FBXL20: variants seen among roughly 807,000 people sequenced by gnomAD.
FBXL20 encodes F-box/LRR-repeat protein 20.
Under a neutral mutation model 64.0 loss-of-function variants are expected in FBXL20, and 11 were observed. The ratio of observed to expected loss-of-function variants is 0.17; its 90% confidence interval spans 0.11 to 0.28. The LOEUF (loss-of-function observed/expected upper bound fraction) is 0.28, where lower values mean the gene tolerates loss of function less well. Among genes scored for constraint, FBXL20 ranks in the 10% least tolerant of loss-of-function variants. The pLI is 1.00. For synonymous variants in FBXL20, 184 were observed against 189.0 expected (o/e 0.97, Z 0.22); for missense variants, 303 against 526.2 (o/e 0.58, Z 4.15).
intron 1 of FBXL20, among the ~76,000 whole-genome samples, chr17:39,368,151 G>A (rs1363411686): frequency 1.3e-5 from 2 of 152,152 alleles, no homozygotes; most frequent in African/African-American, 4.8e-5. Flanking sequence ...CACTTTGGGA[G>A]GCCAAGGTAG....
At chr17:39,357,821 A>C (rs2047757186) in intron 1 of FBXL20, among the ~76,000 whole-genome samples, 1 of 152,236 alleles carries the variant, frequency 6.6e-6, no homozygotes, top group Non-Finnish European at 1.5e-5. Flanking sequence ...ACCATCTGGT[A>C]CCATAGCGTT....
At chr17:39,338,213 G>A (rs1427607091) in intron 2 of FBXL20, among the ~76,000 whole-genome samples, 1 of 152,186 alleles carries the variant, frequency 6.6e-6, no homozygotes, top group African/African-American at 2.4e-5. Flanking sequence ...TTCTGCCTTG[G>A]GATCCTGTTG....
intron 2 of FBXL20, among the ~76,000 whole-genome samples, chr17:39,316,350 A>T (rs2047292282): frequency 6.6e-6 from 1 of 152,014 alleles, no homozygotes; most frequent in Non-Finnish European, 1.5e-5. Flanking sequence ...GTCTACTAAG[A>T]GGGCCTGGAG....
Position 39,398,229 on chromosome 17 carries a change from G to A in FBXL20, c.42+3132C>T, listed in dbSNP as rs1403126925. 3.9e-5 allele frequency among the ~76,000 whole-genome samples: 6 copies of A among 152,088 alleles called. No individual in the cohort carries two copies. In the East Asian group the frequency reaches 7.7e-4, roughly 20 times the overall value. ...ACCTGGGAAGTGGTTGCAGTGAGCC[G>A]AGATCGCACCATTGCACTCCAGCCT... On this transcript the variant is annotated intron_variant, in intron 1 of 14. Coordinates refer to ENST00000264658, the MANE Select transcript of FBXL20 (RefSeq NM_032875.3).
At chr17:39,392,967 T>C (rs561997501) in intron 1 of FBXL20, among the ~76,000 whole-genome samples, 1 of 148,184 alleles carries the variant, frequency 6.7e-6, no homozygotes, top group South Asian at 2.1e-4. Context: ...CACTCCATCC[T>C]GGACAACAAG....
intron 12 of FBXL20, 78 bp downstream of exon 12, chr17:39,268,749 G>A (rs1010463351): frequency 8.0e-7 from 1 of 1,243,514 alleles, no homozygotes; most frequent in Admixed American, 1.8e-5. Context: ...ACTAGGGTAG[G>A]GAATTGCACA....
chr17:39,303,639 C>T lies in FBXL20; in HGVS notation c.105G>A (p.Arg35=). 1.2e-6 allele frequency: 2 copies of T among 1,607,068 alleles called. No individual in the cohort carries two copies. Among genetic ancestry groups the T allele is most frequent in the Admixed American group, 1.7e-5 (1 of 58,876 alleles). The change falls in exon 3 of 15, where the codon CGG becomes CGA. Residue 35 remains arginine, a splice_region_variant and synonymous_variant. Transcript: ENST00000264658. ...TAACAACATCTAGAAAAGAAAATAT[C>T]CTAAAAAGAAAAGAGAGAAAGACAA... The part of the protein sequence containing the change: ...NKKLPKELLL[R]IFSFLDVVTL...
chr17:39,263,302 C>G (rs1242338848), intron 14 of FBXL20, among the ~76,000 whole-genome samples: 1 of 152,186 alleles, frequency 6.6e-6, no homozygotes, highest in African/African-American at 2.4e-5. Context: ...ATCGCTTGAG[C>G]TCAGGAGTTT....
At chr17:39,268,260 G>A (rs1407435675) in intron 12 of FBXL20, among the ~76,000 whole-genome samples, 1 of 152,164 alleles carries the variant, frequency 6.6e-6, no homozygotes, top group African/African-American at 2.4e-5. Flanking sequence ...GGCCAAGGCA[G>A]GAGAATTGCT....
intron 2 of FBXL20, 77 bp from the exon 3 acceptor site, chr17:39,303,716 T>A: frequency 1.5e-6 from 2 of 1,309,112 alleles, no homozygotes; most frequent in Non-Finnish European, 2.1e-6. Context: ...AGACAGGGTC[T>A]CACTCTGTCA....
upstream of FBXL20, chr17:39,402,257 TGCGGCTGCCGCCGCGCCTCC>T (rs1289042282): frequency 6.5e-6 from 7 of 1,080,152 alleles, no homozygotes; most frequent in East Asian, 7.5e-5. Flanking sequence ...ATTGGGGCAG[TGCGGCTGCCGCCGCGCCTCC>T]GCGGTTGCCG....
intron 1 of FBXL20, among the ~76,000 whole-genome samples, chr17:39,369,256 C>CTTTTT (rs72363930): frequency 2.3e-4 from 23 of 98,576 alleles, no homozygotes; most frequent in Non-Finnish European, 3.2e-4. Context: ...GAATTCAATG[C>CTTTTT]TTTTTTTTTT....
At chr17:39,282,876 G>A (rs374470184) in intron 7 of FBXL20, 21 bp from the exon 8 acceptor site, 91 of 1,613,526 alleles carry the variant, frequency 5.6e-5, no homozygotes, top group East Asian at 2.5e-4. Context: ...AACAAAATAA[G>A]AGAAACATAT....
At chr17:39,276,197 C>T (rs1314420875) in intron 9 of FBXL20, among the ~76,000 whole-genome samples, 1 of 128,910 alleles carries the variant, frequency 7.8e-6, no homozygotes, top group African/African-American at 2.9e-5. Context: ...CCACTGCACT[C>T]CACCAGGCAA....
intron 1 of FBXL20, among the ~76,000 whole-genome samples, chr17:39,400,076 C>T (rs1032447441): frequency 2.6e-5 from 4 of 152,118 alleles, no homozygotes; most frequent in African/African-American, 9.7e-5. Flanking sequence ...CATCCAATGT[C>T]CTATTAAACA....
At chr17:39,317,733 ACT>A (rs2144504053) in intron 2 of FBXL20, among the ~76,000 whole-genome samples, 1 of 118,868 alleles carries the variant, frequency 8.4e-6, no homozygotes, top group South Asian at 2.6e-4. Context: ...ACGGAGTCTC[ACT>A]CTGTCACCCA....
At chr17:39,313,139 A>C (rs1349108571) in intron 2 of FBXL20, among the ~76,000 whole-genome samples, 2 of 139,002 alleles carry the variant, frequency 1.4e-5, no homozygotes, top group Non-Finnish European at 3.1e-5. Context: ...GGCTGGTTGC[A>C]AACTCCTGAC....
intron 1 of FBXL20, among the ~76,000 whole-genome samples, chr17:39,372,365 A>G (rs2047926091): frequency 6.6e-6 from 1 of 151,470 alleles, no homozygotes; most frequent in Non-Finnish European, 1.5e-5. Flanking sequence ...CTTAAAATAC[A>G]GAAATTAGCT....
At chr17:39,342,730 A>C (rs2047594923) in intron 2 of FBXL20, among the ~76,000 whole-genome samples, 1 of 147,566 alleles carries the variant, frequency 6.8e-6, no homozygotes, top group Non-Finnish European at 1.5e-5. Flanking sequence ...AAAACAAAAA[A>C]AATTAGCCAG....
Sources: allele counts gnomAD v4.1 joint callset (sites outside exome capture counted in the v4.1 genomes callset), GRCh38; gene constraint gnomAD v4.1.1; transcripts MANE v1.5; gene names NCBI Gene and HGNC (gene_info 2026-07-23, HGNC 2026-07-21).